Variants in CTNNA3 observed in about 807,000 individuals in gnomAD.
The protein encoded by CTNNA3 is catenin alpha-3.
A neutral mutation model predicts 95.7 loss-of-function variants in CTNNA3; 76 were observed. That is an observed-to-expected ratio of 0.79 (90% CI 0.66 to 0.96). The LOEUF (loss-of-function observed/expected upper bound fraction) is 0.96, where lower values mean the gene tolerates loss of function less well. Among genes scored for constraint, CTNNA3 ranks in the 40% least tolerant of loss-of-function variants. The probability of loss-of-function intolerance (pLI) is 0.00; values close to 1 mark genes in which losing one functional copy is unlikely to be tolerated. For synonymous variants in CTNNA3, 431 were observed against 374.4 expected (o/e 1.15, Z -1.74); for missense variants, 1,191 against 1,089.8 (o/e 1.09, Z -1.31).
intron 5 of CTNNA3, among the ~76,000 whole-genome samples, chr10:67,417,142 C>A (rs942672388): frequency 6.6e-6 from 1 of 152,112 alleles, no homozygotes. Flanking sequence ...GTGACTTTTG[C>A]AGCAACATGG....
At chr10:66,865,290 TTGACC>T (rs2132423534) in intron 7 of CTNNA3, among the ~76,000 whole-genome samples, 1 of 151,966 alleles carries the variant, frequency 6.6e-6, no homozygotes, top group African/African-American at 2.4e-5. Context: ...CAAATTTTCA[TTGACC>T]ATATTTTATG....
chr10:66,093,097 T>C (rs1356948370), intron 14 of CTNNA3, among the ~76,000 whole-genome samples: 1 of 151,910 alleles, frequency 6.6e-6, no homozygotes, highest in African/African-American at 2.4e-5. Flanking sequence ...TAAAAATCTT[T>C]CCCAGATTGA....
chr10:66,743,245 A>G (rs1191362561), intron 9 of CTNNA3, among the ~76,000 whole-genome samples: 1 of 152,208 alleles, frequency 6.6e-6, no homozygotes, highest in East Asian at 1.9e-4. Flanking sequence ...CTAAAAGGTG[A>G]ACAGGCATCA....
intron 12 of CTNNA3, among the ~76,000 whole-genome samples, chr10:66,288,083 T>A (rs192124253): frequency 6.6e-6 from 1 of 152,260 alleles, no homozygotes; most frequent in Non-Finnish European, 1.5e-5. Context: ...CTTGAACTCA[T>A]AATTTTATAT....
chr10:66,390,407 A>G (rs764812774), intron 11 of CTNNA3, among the ~76,000 whole-genome samples: 3 of 152,164 alleles, frequency 2.0e-5, no homozygotes, highest in Admixed American at 6.6e-5. Flanking sequence ...GAAGGGAAGA[A>G]GAGAGAAAAA....
chr10:67,335,689 T>A (rs1193956419), intron 5 of CTNNA3, among the ~76,000 whole-genome samples: 1 of 152,220 alleles, frequency 6.6e-6, no homozygotes, highest in Non-Finnish European at 1.5e-5. Context: ...TTGATATTTC[T>A]ATGACAAACA....
At chr10:67,370,948 G>A (rs1843416694) in intron 5 of CTNNA3, among the ~76,000 whole-genome samples, 1 of 147,216 alleles carries the variant, frequency 6.8e-6, no homozygotes, top group Admixed American at 6.8e-5. Flanking sequence ...CTCACTGCAA[G>A]CTGCGCCTCC....
chr10:65,989,805 T>C (rs1215084278), intron 15 of CTNNA3, among the ~76,000 whole-genome samples: 1 of 152,100 alleles, frequency 6.6e-6, no homozygotes, highest in Non-Finnish European at 1.5e-5. Context: ...TATTGAATAT[T>C]TGAATTGTTC....
At chr10:67,131,107 T>C (rs1304359611) in intron 7 of CTNNA3, among the ~76,000 whole-genome samples, 4 of 152,092 alleles carry the variant, frequency 2.6e-5, no homozygotes, top group African/African-American at 4.8e-5. Context: ...CTTCCTACTT[T>C]ACGCTTACCA....
chr10:66,334,618 G>A (rs926222078), intron 12 of CTNNA3, among the ~76,000 whole-genome samples: 2 of 152,166 alleles, frequency 1.3e-5, no homozygotes, highest in Admixed American at 6.5e-5. Context: ...AGTCTGATGG[G>A]CTTCCCTTTG....
chr10:66,313,988 T>A (rs1564859457), intron 12 of CTNNA3, among the ~76,000 whole-genome samples: 2 of 152,120 alleles, frequency 1.3e-5, no homozygotes, highest in Non-Finnish European at 2.9e-5. Flanking sequence ...ATACAAACTA[T>A]CTCATCCTCC....
At chr10:67,675,582 G>T (rs7073410) in intron 1 of CTNNA3, among the ~76,000 whole-genome samples, 34,005 of 152,090 alleles carry the variant, frequency 0.22, 7,721 homozygotes, top group African/African-American at 0.59. Flanking sequence ...CATTCTAATG[G>T]GCAAAGCAAG....
chr10:67,266,617 C>T (rs1386559989), intron 5 of CTNNA3, among the ~76,000 whole-genome samples: 1 of 152,144 alleles, frequency 6.6e-6, no homozygotes, highest in Non-Finnish European at 1.5e-5. Context: ...AGCTGACCCA[C>T]AGTGAGTAAC....
At chr10:67,738,983 G>C (rs935056558) in intron 1 of CTNNA3, among the ~76,000 whole-genome samples, 1 of 152,232 alleles carries the variant, frequency 6.6e-6, no homozygotes, top group South Asian at 2.1e-4. Flanking sequence ...ACCTGAAAGT[G>C]ACGGGGAGAC....
chr10:66,866,595 A>G (rs992117730), intron 7 of CTNNA3, among the ~76,000 whole-genome samples: 1 of 152,178 alleles, frequency 6.6e-6, no homozygotes, highest in Non-Finnish European at 1.5e-5. Flanking sequence ...ATTTGACTCT[A>G]CAAAATATAA....
chr10:67,433,290 CA>C (rs1846178217), intron 5 of CTNNA3, among the ~76,000 whole-genome samples: 1 of 151,976 alleles, frequency 6.6e-6, no homozygotes, highest in African/African-American at 2.4e-5. Context: ...ACACATACAG[CA>C]TTTGTTAAGT....
At chr10:66,865,405 G>C (rs568419327) in intron 7 of CTNNA3, among the ~76,000 whole-genome samples, 2 of 151,976 alleles carry the variant, frequency 1.3e-5, no homozygotes, top group East Asian at 3.9e-4. Context: ...TAAATAATCA[G>C]AGAATCAGTC....
rs879063929 is a variant in CTNNA3 at position 66,210,732 on chromosome 10, C to T, written c.1884+69738G>A. 3.1e-4 allele frequency among the ~76,000 whole-genome samples: 47 copies of T among 151,854 alleles called. 6 individuals carry two copies. The highest frequency in any genetic ancestry group is 1.6e-3 in the Admixed American group (25 of 15,236). ...AGTGTATGCTAAAATATATAAAATC[C>T]GATGCTAAGCAAATGGAGTAAACAA... On this transcript the variant is annotated intron_variant, in intron 13 of 17. Coordinates refer to ENST00000433211, the MANE Select transcript of CTNNA3 (RefSeq NM_013266.4).
At chr10:67,314,911 G>A (rs1017552345) in intron 5 of CTNNA3, among the ~76,000 whole-genome samples, 19 of 152,170 alleles carry the variant, frequency 1.2e-4, no homozygotes, top group Middle Eastern at 6.3e-3. Flanking sequence ...TGACTTCTAA[G>A]TGGCCCATTC....
Sources: gnomAD v4.1 joint callset for allele counts (sites outside exome capture counted in the v4.1 genomes callset) on GRCh38, gnomAD v4.1.1 for gene constraint, MANE v1.5 for transcripts, NCBI Gene and HGNC (gene_info 2026-07-23, HGNC 2026-07-21) for gene names.